Variants in DNAAF11 observed in about 807,000 individuals in gnomAD.
DNAAF11 encodes the protein leucine rich repeat containing 6.
Under a neutral mutation model 60.8 loss-of-function variants are expected in DNAAF11, and 45 were observed. The observed-to-expected ratio is 0.74, with a 90% confidence interval of 0.58 to 0.95. The LOEUF is 0.95. Among genes scored for constraint, DNAAF11 ranks in the 40% least tolerant of loss-of-function variants. The pLI, the probability that DNAAF11 is intolerant of heterozygous loss-of-function variation, is 0.00. For missense variants in DNAAF11, 546 were observed against 546.2 expected, an observed-to-expected ratio of 1.00 and a Z score of 0.00; for synonymous variants, 191 against 183.5, an observed-to-expected ratio of 1.04 and a Z score of -0.33.
chr8:132,684,898 C>T, the DNAAF11 span: 2 of 152,260 alleles, frequency 1.3e-5, no homozygotes, highest in South Asian at 2.1e-4. Flanking sequence ...AAGAGAAGAA[C>T]CAAAGGGTGA....
rs569377451 is a variant in DNAAF11, at chr8:132,661,140, T to A, written c.178+320A>T. 5.9e-5 allele frequency among the ~76,000 whole-genome samples: 9 copies of A among 152,114 alleles called. No individual in the cohort carries two copies. In the South Asian group the frequency reaches 1.7e-3, roughly 28 times the overall value. On this transcript the variant is annotated intron_variant, in intron 2 of 11. Coordinates refer to ENST00000620350, the MANE Select transcript of DNAAF11 (RefSeq NM_012472.6). The stretch of plus-strand genomic sequence containing the variant: ...ATTTGTTTTGCAGTGTGATGTAAAA[T>A]GATGACAAATGCCTCCTCCCTTTCA...
upstream of DNAAF11, among the ~76,000 whole-genome samples, chr8:132,680,265 A>G (rs1461457526): frequency 6.6e-6 from 1 of 152,216 alleles, no homozygotes; most frequent in Non-Finnish European, 1.5e-5. Context: ...ATTGTTCCAA[A>G]TAGACTTATT....
chr8:132,638,149 A>C (rs1821492929), intron 3 of DNAAF11, 42 bp from the exon 4 acceptor site: 3 of 1,518,502 alleles, frequency 2.0e-6, no homozygotes, highest in Non-Finnish European at 2.7e-6. Flanking sequence ...AACAAAGAAA[A>C]ATCACACTGG....
chr8:132,639,826 T>C (rs1272039700), intron 3 of DNAAF11, among the ~76,000 whole-genome samples: 1 of 152,082 alleles, frequency 6.6e-6, no homozygotes, highest in East Asian at 1.9e-4. Flanking sequence ...AACATAGATG[T>C]TGCTGAGCAA....
At chr8:132,630,613 T>C (rs1820702597) in intron 5 of DNAAF11, among the ~76,000 whole-genome samples, 1 of 152,136 alleles carries the variant, frequency 6.6e-6, no homozygotes, top group African/African-American at 2.4e-5. Context: ...TAGAAGACAC[T>C]TGTAAAGCAC....
chr8:132,687,026 C>G, the DNAAF11 span, among the ~76,000 whole-genome samples: 1 of 152,142 alleles, frequency 6.6e-6, no homozygotes, highest in Admixed American at 6.5e-5. Flanking sequence ...TTCCCCAGCA[C>G]CATGCACAGT....
the DNAAF11 span, among the ~76,000 whole-genome samples, chr8:132,698,975 A>C: frequency 1.9e-4 from 28 of 150,328 alleles, no homozygotes; most frequent in African/African-American, 6.1e-4. Context: ...CACACACAAA[A>C]AAAATTAGCC....
chr8:132,605,366 C>A (rs1818028364), intron 10 of DNAAF11, among the ~76,000 whole-genome samples: 1 of 152,150 alleles, frequency 6.6e-6, no homozygotes, highest in Admixed American at 6.5e-5. Context: ...TTGAGAAACT[C>A]ATTTGAAAGT....
chr8:132,570,702 CCAGCCTGCTG>C lies in DNAAF11; in HGVS notation c.*1594_*1603del, dbSNP rs1382393004. 1.3e-5 allele frequency among the ~76,000 whole-genome samples: 2 copies of C among 152,092 alleles called. No individual in the cohort carries two copies. Among genetic ancestry groups the C allele is most frequent in the African/African-American group, 4.8e-5 (2 of 41,382 alleles). On this transcript the variant is annotated 3_prime_UTR_variant, in exon 12 of 12. Transcript: ENST00000620350. ...CAGTGATGGACAGATGCAGAGGGAC[CCAGCCTGCTG>C]CAGCTGATCCTTGATCTCCACCACT...
chr8:132,665,991 C>T (rs537738708), intron 1 of DNAAF11, among the ~76,000 whole-genome samples: 4 of 152,202 alleles, frequency 2.6e-5, no homozygotes, highest in East Asian at 1.9e-4. Flanking sequence ...AATTCATGCA[C>T]GAACAGAAAA....
the DNAAF11 span, among the ~76,000 whole-genome samples, chr8:132,687,231 A>G: frequency 1.8e-4 from 28 of 152,216 alleles, no homozygotes; most frequent in Admixed American, 1.5e-3. Context: ...ATATATATTT[A>G]CAGTTATTTC....
rs188821930 is a variant in DNAAF11, at chr8:132,667,362, T to C, written c.11-5735A>G. On this transcript the variant is annotated intron_variant, in intron 1 of 11. Transcript: ENST00000620350. Reference sequence around the variant, plus strand: ...TAATTAAGTAAAGCCCTTAGCACAGTGCCTGGTATACAGTCATTGGTCAAT... The same window carrying C: ...TAATTAAGTAAAGCCCTTAGCACAGCGCCTGGTATACAGTCATTGGTCAAT... 1.1e-4 allele frequency among the ~76,000 whole-genome samples: 16 copies of C among 152,316 alleles called. No individual in the cohort carries two copies. In the South Asian group the frequency reaches 2.1e-3, roughly 20 times the overall value.
intron 3 of DNAAF11, among the ~76,000 whole-genome samples, chr8:132,654,090 G>A (rs1286610453): frequency 6.6e-6 from 1 of 151,932 alleles, no homozygotes; most frequent in Non-Finnish European, 1.5e-5. Context: ...CATACAAATG[G>A]TAACCAAAAA....
intron 11 of DNAAF11, among the ~76,000 whole-genome samples, chr8:132,576,922 T>TCAGGCTCAGTATTGGGG (rs1352086921): frequency 6.6e-5 from 10 of 152,258 alleles, no homozygotes; most frequent in African/African-American, 2.2e-4. Flanking sequence ...AAGCTGAGGG[T>TCAGGCTCAGTATTGGGG]CAGGCTCAGT....
chr8:132,659,739 A>G (rs35936844), intron 2 of DNAAF11, among the ~76,000 whole-genome samples: 9,388 of 152,230 alleles, frequency 0.062, 386 homozygotes, highest in Non-Finnish European at 0.083. Context: ...GCTAATTTTC[A>G]ATTATCCACG....
rs60462067 is a variant in DNAAF11, at chr8:132,593,332, CATATATATATAT to C, written c.1141-9565_1141-9554del. ...ATAAACTTCAAAGAATATATACATA[CATATATATATAT>C]ATATATATATATATATATTTATATG... On this transcript the variant is annotated intron_variant, in intron 10 of 11. Transcript: ENST00000620350. Among the ~76,000 whole-genome samples, 20 of 108,704 alleles carry C rather than the reference CATATATATATAT, an allele frequency of 1.8e-4. 1 individual carries two copies. In the South Asian group the frequency reaches 4.0e-3, roughly 22 times the overall value. The allele number at this position is 108,704 out of a possible 152,430, so 71.3% of individuals were successfully genotyped here.
At chr8:132,675,645 C>A, upstream of DNAAF11, 1 of 702,574 alleles carries the variant, frequency 1.4e-6, no homozygotes, top group South Asian at 2.7e-5. Flanking sequence ...CCAAAACAAG[C>A]CGCGTTTCCT....
chr8:132,680,645 A>G, the DNAAF11 span, among the ~76,000 whole-genome samples: 4 of 151,976 alleles, frequency 2.6e-5, no homozygotes, highest in Non-Finnish European at 5.9e-5. Flanking sequence ...GCACGACTAC[A>G]AGTCTCAGTT....
chr8:132,685,491 G>A, the DNAAF11 span, among the ~76,000 whole-genome samples: 6 of 152,250 alleles, frequency 3.9e-5, no homozygotes, highest in East Asian at 1.2e-3. Context: ...TTACTTCACT[G>A]TCAGTCGTCT....
Sources: gnomAD v4.1 joint callset for allele counts (sites outside exome capture counted in the v4.1 genomes callset) on GRCh38, gnomAD v4.1.1 for gene constraint, MANE v1.5 for transcripts, NCBI Gene and HGNC (gene_info 2026-07-23, HGNC 2026-07-21) for gene names.